TMTC1: variants seen among roughly 807,000 people sequenced by gnomAD.
TMTC1 encodes the protein protein O-mannosyl-transferase TMTC1.
A neutral mutation model predicts 104.8 loss-of-function variants in TMTC1; 73 were observed. That is an observed-to-expected ratio of 0.70 (90% CI 0.58 to 0.85). The LOEUF (loss-of-function observed/expected upper bound fraction) is 0.85. Ranked by LOEUF, TMTC1 falls within the 40% of genes least tolerant of loss-of-function variation. TMTC1 has a pLI of 0.00. For synonymous variants in TMTC1, 434 were observed against 428.7 expected (o/e 1.01, Z -0.15); for missense variants, 1,035 against 1,096.1 (o/e 0.94, Z 0.79).
At chr12:29,717,930 CA>C (rs1240915591) in intron 5 of TMTC1, among the ~76,000 whole-genome samples, 10 of 152,056 alleles carry the variant, frequency 6.6e-5, no homozygotes, top group Non-Finnish European at 4.4e-5. Context: ...AGATACTTAC[CA>C]GAAAGAAAAA....
intron 9 of TMTC1, among the ~76,000 whole-genome samples, chr12:29,565,238 C>T (rs184529622): frequency 1.4e-4 from 22 of 152,246 alleles, no homozygotes; most frequent in African/African-American, 4.1e-4. Flanking sequence ...AGTCCTTCAA[C>T]GGGATGGATG....
intron 8 of TMTC1, among the ~76,000 whole-genome samples, chr12:29,578,313 A>C (rs929506294): frequency 1.3e-5 from 2 of 151,902 alleles, no homozygotes; most frequent in African/African-American, 4.8e-5. Context: ...CTAGGCTCTC[A>C]TTTCACAATG....
intron 7 of TMTC1, among the ~76,000 whole-genome samples, chr12:29,589,424 T>C (rs940479447): frequency 6.6e-6 from 1 of 152,212 alleles, no homozygotes; most frequent in Admixed American, 6.5e-5. Context: ...AGAGCAAAGA[T>C]ATAAACCCAG....
chr12:29,548,951 G>A (rs1945021936), intron 10 of TMTC1, among the ~76,000 whole-genome samples: 1 of 139,134 alleles, frequency 7.2e-6, no homozygotes, highest in South Asian at 2.2e-4. Flanking sequence ...TATATAATAT[G>A]TATGACATAT....
chr12:29,638,145 G>A (rs867403883), intron 5 of TMTC1, among the ~76,000 whole-genome samples: 2 of 152,116 alleles, frequency 1.3e-5, no homozygotes, highest in Non-Finnish European at 2.9e-5. Flanking sequence ...AGTGAGAACA[G>A]GCACTCCTGT....
At chr12:29,688,869 G>C (rs922175857) in intron 5 of TMTC1, among the ~76,000 whole-genome samples, 1 of 151,904 alleles carries the variant, frequency 6.6e-6, no homozygotes, top group Non-Finnish European at 1.5e-5. Flanking sequence ...ATTTTTAGCT[G>C]GACTCACTGC....
rs553529081 is a variant in TMTC1 at position 29,506,881 on chromosome 12, GT to G, written c.2613del (p.Lys871AsnfsTer17). 2,435 of 1,614,072 alleles carry G rather than the reference GT, an allele frequency of 1.5e-3. 6 individuals are homozygous for G. The highest frequency in any genetic ancestry group is 1.9e-3 in the Non-Finnish European group (2,287 of 1,179,972). On this transcript the variant is annotated frameshift_variant, in exon 18 of 18. Transcript: ENST00000539277. LOFTEE classifies it high-confidence loss of function. The stretch of plus-strand genomic sequence containing the variant: ...TCCTTTTCTCGAACTTCTTGTAATC[GT>G]TTTTCTAGGCGATCCAATTTGGCAA... ...ENLAKLDRLE[K>X]RLQEVREKDQ... is the part of the protein sequence containing the mutation.
intron 7 of TMTC1, among the ~76,000 whole-genome samples, chr12:29,599,467 A>G (rs1946496258): frequency 6.6e-6 from 1 of 152,230 alleles, no homozygotes; most frequent in Admixed American, 6.5e-5. Context: ...GAGGAAGGTG[A>G]TATTTCAGAC....
At chr12:29,685,405 C>T (rs1941060631) in intron 5 of TMTC1, among the ~76,000 whole-genome samples, 1 of 149,574 alleles carries the variant, frequency 6.7e-6, no homozygotes. Context: ...AGAGAATAGC[C>T]AACAAACTGA....
intron 2 of TMTC1, among the ~76,000 whole-genome samples, chr12:29,762,945 T>G (rs1368613804): frequency 6.6e-6 from 1 of 152,206 alleles, no homozygotes; most frequent in Non-Finnish European, 1.5e-5. Context: ...TCCTGAAGGT[T>G]AAACAGAGAG....
At chr12:29,517,661 G>A in intron 13 of TMTC1, 90 bp from the exon 14 acceptor site, 1 of 1,466,074 alleles carries the variant, frequency 6.8e-7, no homozygotes, top group Non-Finnish European at 9.4e-7. Context: ...ACGGTCCATG[G>A]TTTGAACCTC....
intron 7 of TMTC1, among the ~76,000 whole-genome samples, chr12:29,601,173 T>C (rs1390441566): frequency 1.3e-5 from 2 of 150,304 alleles, no homozygotes; most frequent in African/African-American, 5.0e-5. Context: ...TTATTTAAGA[T>C]ATGGCAGCAT....
rs1943854565 is a variant in TMTC1 at position 29,512,074 on chromosome 12, C to T, written c.2477G>A (p.Trp826Ter). Residue 826 changes from tryptophan (W) to a stop codon, truncating the protein, a stop_gained, in exon 17 of 18, where the codon TGG becomes TAG. Transcript: ENST00000539277. LOFTEE classifies it high-confidence loss of function. ...GTGTTGGATGCCACCCATGTTCATC[C>T]AGGCCTGTGCTTGGTCTGGGTTTAG... ...VQLNPDQAQA[W>*]MNMGGIQHIK... 1.2e-6 allele frequency: 2 copies of T among 1,613,968 alleles called. No individual in the cohort carries two copies. Among genetic ancestry groups the T allele is most frequent in the Non-Finnish European group, 8.5e-7 (1 of 1,179,978 alleles).
rs755374996 is a variant in TMTC1 at position 29,517,464 on chromosome 12, G to T, written c.2132C>A (p.Ala711Glu). 1 of 1,614,140 alleles carries T rather than the reference G, an allele frequency of 6.2e-7. No homozygotes were observed. The highest frequency in any genetic ancestry group is 8.5e-7 in the Non-Finnish European group (1 of 1,180,024). ...GAGCTCCCTCTGAGAAGGCTGAAGTGCTGCAGCTTCCTGGTAAATCTGCAA... is the reference window on the plus strand; with the variant it reads ...GAGCTCCCTCTGAGAAGGCTGAAGTTCTGCAGCTTCCTGGTAAATCTGCAA... ...EALQIYQEAA[A>E]LQPSQRELRL... The change falls in exon 14 of 18, where the codon GCA (alanine) becomes GAA (glutamate). Residue 711 changes from alanine (A) to glutamate (E), a missense_variant. Coordinates refer to ENST00000539277, the MANE Select transcript of TMTC1 (RefSeq NM_001193451.2).
chr12:29,718,932 C>CA (rs35351612), intron 5 of TMTC1, among the ~76,000 whole-genome samples: 13,795 of 87,980 alleles, frequency 0.16, 1,485 homozygotes, highest in African/African-American at 0.31. Flanking sequence ...GACTCCATCT[C>CA]AAAAAAAAAA....
At chr12:29,640,158 C>G (rs371542027) in intron 5 of TMTC1, among the ~76,000 whole-genome samples, 2 of 152,188 alleles carry the variant, frequency 1.3e-5, no homozygotes, top group Non-Finnish European at 2.9e-5. Context: ...GAGAGCCAAG[C>G]AACTCCGACA....
At chr12:29,716,959 G>A (rs915622622) in intron 5 of TMTC1, among the ~76,000 whole-genome samples, 1 of 152,220 alleles carries the variant, frequency 6.6e-6, no homozygotes, top group East Asian at 1.9e-4. Flanking sequence ...AGCTTGCAGT[G>A]AGCCGAGATC....
At chr12:29,667,968 C>T (rs73269892) in intron 5 of TMTC1, among the ~76,000 whole-genome samples, 1,531 of 152,298 alleles carry the variant, frequency 0.01, 33 homozygotes, top group African/African-American at 0.035. Flanking sequence ...GATCTCATGG[C>T]TGGCAAGAGG....
chr12:29,632,799 C>T (rs1938361957), intron 6 of TMTC1, among the ~76,000 whole-genome samples: 1 of 152,180 alleles, frequency 6.6e-6, no homozygotes, highest in Admixed American at 6.5e-5. Context: ...CTGGCAGTCA[C>T]TCATGAAAGT....
Sources: allele counts gnomAD v4.1 joint callset (sites outside exome capture counted in the v4.1 genomes callset), GRCh38; gene constraint gnomAD v4.1.1; transcripts MANE v1.5; gene names NCBI Gene and HGNC (gene_info 2026-07-23, HGNC 2026-07-21).